The following TRA2B variants were observed in gnomAD, a reference collection of about 807,000 sequenced individuals.
TRA2B encodes transformer-2 protein homolog beta.
TRA2B carries 14 observed loss-of-function variants against 41.7 expected under a neutral mutation model. The ratio of observed to expected loss-of-function variants is 0.34; its 90% CI spans 0.22 to 0.53. The LOEUF (loss-of-function observed/expected upper bound fraction) is 0.53, where lower values mean the gene tolerates loss of function less well. Ranked by LOEUF, TRA2B falls within the 20% of genes least tolerant of loss-of-function variation. The pLI, the probability that TRA2B is intolerant of heterozygous loss-of-function variation, is 0.95. For missense variants in TRA2B, 167 were observed against 396.8 expected, an observed-to-expected ratio of 0.42 and a Z score of 4.92; for synonymous variants, 130 against 128.8, an observed-to-expected ratio of 1.01 and a Z score of -0.06.
In TRA2B at chr3:185,923,934, G is replaced by A. The variant is rs778025146; in HGVS notation, c.384C>T (p.Tyr128=). ...CTTCTCTTAGATCTCTTTCTGTGGT[G>A]TACAAGCTCAGCCCAAATACTCCAA... is the stretch of plus-strand genomic sequence containing the variant. ...CCLGVFGLSL[Y]TTERDLREVF... Residue 128 remains tyrosine (Y), a synonymous_variant, in exon 4 of 9, where the codon TAC becomes TAT. Transcript: ENST00000453386. 1 of 1,613,934 alleles carries A rather than the reference G, an allele frequency of 6.2e-7. No homozygotes were observed. The highest frequency in any genetic ancestry group is 8.5e-7 in the Non-Finnish European group (1 of 1,179,970).
At chr3:185,929,587 A>C (rs1744073520) in intron 1 of TRA2B, among the ~76,000 whole-genome samples, 1 of 152,160 alleles carries the variant, frequency 6.6e-6, no homozygotes, top group Non-Finnish European at 1.5e-5. Context: ...TACAAAACCT[A>C]AAGGGAATAC....
chr3:185,936,513 C>G, intron 1 of TRA2B: 1 of 985,400 alleles, frequency 1.0e-6, no homozygotes, highest in South Asian at 4.7e-5. Flanking sequence ...ACGCAGGAAA[C>G]TCACGCTTCA....
At chr3:185,934,636 A>C in intron 1 of TRA2B, 1 of 985,408 alleles carries the variant, frequency 1.0e-6, no homozygotes, top group Non-Finnish European at 1.2e-6. Context: ...ATTTGGTGAG[A>C]TGGCTGCAAT....
In TRA2B at chr3:185,916,182, T is replaced by C. The variant is rs148797555; in HGVS notation, c.*1533A>G. On this transcript the variant is annotated 3_prime_UTR_variant, in exon 9 of 9. Transcript: ENST00000453386. ...TTTACAAATTAAGACCTGCCAATAC[T>C]GCCTATGCTCCATTACTGGTATTTT... 2 of 152,384 alleles carry C rather than the reference T, an allele frequency of 1.3e-5. No individual in the cohort carries two copies. The highest frequency in any genetic ancestry group is 3.9e-4 in the East Asian group (2 of 5,192). 9.4% of individuals were successfully genotyped at this position (152,384 alleles called of 1,614,324 possible).
At chr3:185,934,897 T>G in intron 1 of TRA2B, 1 of 985,386 alleles carries the variant, frequency 1.0e-6, no homozygotes, top group Non-Finnish European at 1.2e-6. Context: ...TCTATCAGAG[T>G]ATCTGCTGGG....
intron 1 of TRA2B, chr3:185,935,557 G>A (rs1170773808): frequency 1.0e-6 from 1 of 985,330 alleles, no homozygotes; most frequent in African/African-American, 1.7e-5. Flanking sequence ...GTCTGGATTA[G>A]AGACAGATAA....
At chr3:185,937,485 C>A in intron 1 of TRA2B, 4 of 1,080,310 alleles carry the variant, frequency 3.7e-6, no homozygotes, top group Non-Finnish European at 4.5e-6. Flanking sequence ...GGCGGACCTT[C>A]GCAGGAGAGC....
chr3:185,935,582 C>T (rs934019538), intron 1 of TRA2B: 4 of 985,262 alleles, frequency 4.1e-6, no homozygotes, highest in Middle Eastern at 5.2e-4. Flanking sequence ...GGGAGAATTC[C>T]ACTGATTTGA....
chr3:185,923,712 T>C (rs1405272808), intron 4 of TRA2B, 84 bp downstream of exon 4: 14 of 1,335,604 alleles, frequency 1.0e-5, no homozygotes, highest in Non-Finnish European at 1.4e-5. Flanking sequence ...GACTTGTCCT[T>C]GTCCTTATCC....
At position 185,936,850 on chromosome 3, in the gene TRA2B, T is replaced by C. The variant is rs1445595507; in HGVS notation, c.36+975A>G. On this transcript the variant is annotated intron_variant, in intron 1 of 8. Coordinates refer to ENST00000453386, the MANE Select transcript of TRA2B (RefSeq NM_004593.3). ...CAGAGCCCCACAGACCAGCTACGTATGCTGTTTAAACCCTAGAACTGTCTT... is the reference window on the plus strand; with the variant it reads ...CAGAGCCCCACAGACCAGCTACGTACGCTGTTTAAACCCTAGAACTGTCTT... 3.0e-6 allele frequency: 3 copies of C among 985,292 alleles called. No individual in the cohort carries two copies. The African/African-American group carries it at 5.2e-5, about 17-fold the overall frequency. The allele number at this position is 985,292 out of a possible 1,614,324, so 61.0% of individuals were successfully genotyped here. A position where few individuals can be genotyped will look rare whatever the true frequency, so the allele number is the denominator to read the frequency against.
chr3:185,934,934 C>A, intron 1 of TRA2B: 1 of 985,396 alleles, frequency 1.0e-6, no homozygotes, highest in Non-Finnish European at 1.2e-6. Flanking sequence ...AACATCTGGT[C>A]CATACATCAG....
intron 1 of TRA2B, chr3:185,928,616 T>A (rs1320126386): frequency 3.9e-5 from 6 of 152,102 alleles, no homozygotes; most frequent in African/African-American, 9.7e-5. Flanking sequence ...CAGGCAAAAA[T>A]TAACATAGGT....
At position 185,921,170 on chromosome 3, in the gene TRA2B, C is replaced by G; in HGVS notation, c.656G>C (p.Arg219Pro). The change falls in exon 6 of 9, where the codon CGG becomes CCG. Residue 219 changes from arginine (R) to proline (P), a missense_variant. Around this residue, in one of 5 missense-constraint regions of TRA2B, gnomAD observed 23 missense variants for 39.7 expected, o/e 0.58. Coordinates refer to ENST00000453386, the MANE Select transcript of TRA2B (RefSeq NM_004593.3). ...GRPTYGSSRR[R>P]DYYDRGYDRG... The stretch of plus-strand genomic sequence containing the variant: ...ATCATATCCTCTGTCATAGTAATCC[C>G]GACGGCGAGAGCTGCCACTATGAAG... 2 of 1,614,020 alleles carry G rather than the reference C, an allele frequency of 1.2e-6. No homozygotes were observed. The highest frequency in any genetic ancestry group is 1.7e-6 in the Non-Finnish European group (2 of 1,180,022).
intron 6 of TRA2B, among the ~76,000 whole-genome samples, 154 bp from the exon 7 acceptor site, chr3:185,919,650 G>C (rs1409042145): frequency 6.6e-6 from 1 of 152,072 alleles, no homozygotes; most frequent in African/African-American, 2.4e-5. Flanking sequence ...AACTGGCATA[G>C]GGTTCTCTCT....
At chr3:185,935,846 C>A in intron 1 of TRA2B, 1 of 985,358 alleles carries the variant, frequency 1.0e-6, no homozygotes, top group Non-Finnish European at 1.2e-6. Flanking sequence ...GGAAGTATTT[C>A]ACAACGTAAA....
chr3:185,921,208 A>AG, intron 5 of TRA2B, 21 bp from the exon 6 acceptor site: 1 of 1,607,642 alleles, frequency 6.2e-7, no homozygotes, highest in Non-Finnish European at 8.5e-7. Flanking sequence ...AAAAATATTC[A>AG]GGTGACCTCC....
chr3:185,935,907 C>A (rs1178934656), intron 1 of TRA2B: 32 of 974,800 alleles, frequency 3.3e-5, no homozygotes, highest in South Asian at 4.7e-5. Context: ...AGAAAAAAAA[C>A]TCAATTTTTA....
chr3:185,915,338 ATTGT>A lies in TRA2B; in HGVS notation c.*2373_*2376del, dbSNP rs1743463981. 6.6e-6 allele frequency among the ~76,000 whole-genome samples: 1 copy of A among 152,172 alleles called. No homozygotes were observed. The highest frequency in any genetic ancestry group is 2.4e-5 in the African/African-American group (1 of 41,440). ...TCAGCCCTACAGCTATAAGAAATGG[ATTGT>A]TTGTATTGGCATATAAAAGCCTCCA... On this transcript the variant is annotated 3_prime_UTR_variant, in exon 9 of 9. Transcript: ENST00000453386.
chr3:185,937,266 C>A (rs1410598680), intron 1 of TRA2B: 1 of 986,494 alleles, frequency 1.0e-6, no homozygotes, highest in Non-Finnish European at 1.2e-6. Context: ...ACATCCCAGA[C>A]TCCGTCCTTT....
Sources: allele counts gnomAD v4.1 joint callset (sites outside exome capture counted in the v4.1 genomes callset), GRCh38; gene constraint gnomAD v4.1.1; regional missense constraint gnomAD v4.1.1; transcripts MANE v1.5; gene names NCBI Gene and HGNC (gene_info 2026-07-23, HGNC 2026-07-21).